Variants in FAM13C observed in about 807,000 individuals in gnomAD.
FAM13C encodes family with sequence similarity 13 member C, also known as protein FAM13C.
FAM13C carries 37 observed loss-of-function variants against 73.2 expected under a neutral mutation model. The ratio of observed to expected loss-of-function variants is 0.51; its 90% CI spans 0.39 to 0.67. FAM13C has a LOEUF of 0.67. Among genes scored for constraint, FAM13C ranks in the 30% least tolerant of loss-of-function variants. The pLI is 0.00. For missense variants in FAM13C, 589 were observed against 715.6 expected, an observed-to-expected ratio of 0.82 and a Z score of 2.02; for synonymous variants, 246 against 260.9, an observed-to-expected ratio of 0.94 and a Z score of 0.55.
intron 5 of FAM13C, among the ~76,000 whole-genome samples, chr10:59,293,069 C>CTTTTTTTTTTT (rs148715812): frequency 7.3e-5 from 8 of 109,538 alleles, no homozygotes; most frequent in Admixed American, 1.2e-4. Context: ...TTTTCTTTTT[C>CTTTTTTTTTTT]TTTTTTTTTT....
At chr10:59,265,335 G>GGGGA (rs78422182) in intron 8 of FAM13C, among the ~76,000 whole-genome samples, 658 of 16,016 alleles carry the variant, frequency 0.041, 176 homozygotes, top group East Asian at 0.097. Context: ...GGGGGGGGGG[G>GGGGA]AATCCTGGTT....
intron 6 of FAM13C, chr10:59,282,980 C>T (rs767282938): frequency 2.2e-4 from 51 of 228,188 alleles, no homozygotes; most frequent in Non-Finnish European, 4.1e-4. Flanking sequence ...TCCCCATCCT[C>T]AACACATCAA....
chr10:59,299,153 T>C (rs543801201), intron 5 of FAM13C, among the ~76,000 whole-genome samples: 1 of 152,286 alleles, frequency 6.6e-6, no homozygotes, highest in South Asian at 2.1e-4. Context: ...ATTCAAAGTG[T>C]TGAATATGCA....
rs181812739 is a variant in FAM13C at position 59,272,950 on chromosome 10, A to T, written c.593-2841T>A. Among the ~76,000 whole-genome samples the T allele has an allele frequency of 5.6e-4, 86 of 152,318 alleles. 1 individual carries two copies. Among genetic ancestry groups the T allele is most frequent in the South Asian group, 3.1e-3 (15 of 4,834 alleles). The stretch of plus-strand genomic sequence containing the variant: ...TAATTCATAAATTAGGCACAGTAAG[A>T]GATTAACAACAACAACTAACAATAA... On this transcript the variant is annotated intron_variant, in intron 6 of 13. Coordinates refer to ENST00000618804, the MANE Select transcript of FAM13C (RefSeq NM_198215.4).
At chr10:59,359,622 G>C (rs1251433901) in intron 1 of FAM13C, among the ~76,000 whole-genome samples, 4 of 152,176 alleles carry the variant, frequency 2.6e-5, no homozygotes, top group Non-Finnish European at 5.9e-5. Flanking sequence ...ACTCTCTGAG[G>C]GCAGAGCCCA....
intron 10 of FAM13C, among the ~76,000 whole-genome samples, chr10:59,254,752 A>G (rs1226350574): frequency 6.6e-6 from 1 of 151,894 alleles, no homozygotes; most frequent in Admixed American, 6.6e-5. Flanking sequence ...ACAGGCACGC[A>G]CCACCATGCC....
chr10:59,333,008 T>TTTATTTATTTAC (rs57556314), intron 3 of FAM13C, among the ~76,000 whole-genome samples: 6,092 of 151,590 alleles, frequency 0.04, 183 homozygotes, highest in Non-Finnish European at 0.059. Flanking sequence ...TATTTATTTA[T>TTTATTTATTTAC]TCATTTATTG....
At chr10:59,310,537 G>A (rs1234688494) in intron 4 of FAM13C, among the ~76,000 whole-genome samples, 5 of 151,976 alleles carry the variant, frequency 3.3e-5, no homozygotes, top group African/African-American at 9.7e-5. Flanking sequence ...AAAGGACTGA[G>A]GTCAAATATT....
upstream of FAM13C, chr10:59,362,667 T>C: frequency 8.2e-7 from 1 of 1,226,378 alleles, no homozygotes; most frequent in Non-Finnish European, 1.1e-6. Flanking sequence ...CCCGCGAGGC[T>C]GCGGGGACAG....
intron 6 of FAM13C, chr10:59,282,126 C>T (rs1475525504): frequency 1.3e-5 from 2 of 152,242 alleles, no homozygotes; most frequent in African/African-American, 4.8e-5. Context: ...TGGCCACCTG[C>T]ATCCATAGGG....
chr10:59,357,689 G>A (rs942751142), intron 1 of FAM13C, among the ~76,000 whole-genome samples: 3 of 152,144 alleles, frequency 2.0e-5, no homozygotes, highest in African/African-American at 7.2e-5. Context: ...TTAAAGTTAT[G>A]AGATACTTAC....
At chr10:59,283,878 A>AAAT (rs1359856703) in intron 5 of FAM13C, among the ~76,000 whole-genome samples, 1 of 152,146 alleles carries the variant, frequency 6.6e-6, no homozygotes, top group African/African-American at 2.4e-5. Flanking sequence ...AGAAGACATT[A>AAAT]GGTCCCTCCC....
intron 3 of FAM13C, among the ~76,000 whole-genome samples, chr10:59,338,322 C>CCAGG (rs1853019136): frequency 6.6e-6 from 1 of 152,130 alleles, no homozygotes; most frequent in South Asian, 2.1e-4. Flanking sequence ...AGCCCAAACA[C>CCAGG]CAGGGCTCAT....
intron 9 of FAM13C, 109 bp from the exon 10 acceptor site, chr10:59,262,754 A>C: frequency 1.1e-6 from 1 of 901,892 alleles, no homozygotes; most frequent in Non-Finnish European, 1.7e-6. Context: ...AGAAATGAAC[A>C]CTAATGATGG....
intron 6 of FAM13C, among the ~76,000 whole-genome samples, chr10:59,280,613 T>C (rs1844817205): frequency 6.6e-6 from 1 of 152,216 alleles, no homozygotes; most frequent in Non-Finnish European, 1.5e-5. Context: ...CATCCTAGAC[T>C]GTCTAGAGAG....
At chr10:59,326,451 G>C (rs948363561) in intron 3 of FAM13C, among the ~76,000 whole-genome samples, 1 of 152,084 alleles carries the variant, frequency 6.6e-6, no homozygotes, top group Non-Finnish European at 1.5e-5. Flanking sequence ...GATGTGATAG[G>C]TATGTGTGAT....
intron 8 of FAM13C, among the ~76,000 whole-genome samples, chr10:59,264,772 T>C (rs902201118): frequency 2.0e-5 from 3 of 152,150 alleles, no homozygotes; most frequent in African/African-American, 7.2e-5. Context: ...ATTTCTAATA[T>C]CTTCACTAGT....
intron 13 of FAM13C, among the ~76,000 whole-genome samples, chr10:59,250,336 A>G (rs999858969): frequency 1.3e-5 from 2 of 152,228 alleles, no homozygotes; most frequent in Admixed American, 6.5e-5. Context: ...AAAATAACAA[A>G]TGCTTTATAT....
intron 2 of FAM13C, among the ~76,000 whole-genome samples, chr10:59,354,852 C>T (rs1564628820): frequency 6.6e-6 from 1 of 152,040 alleles, no homozygotes; most frequent in African/African-American, 2.4e-5. Context: ...CTTCCTCACT[C>T]CACCAGGTTC....
Sources: gnomAD v4.1 joint callset for allele counts (sites outside exome capture counted in the v4.1 genomes callset) on GRCh38, gnomAD v4.1.1 for gene constraint, MANE v1.5 for transcripts, NCBI Gene and HGNC (gene_info 2026-07-23, HGNC 2026-07-21) for gene names.